Variants in ZNF407 observed in about 807,000 individuals in gnomAD.
The protein encoded by ZNF407 is zinc finger protein 407.
A neutral mutation model predicts 131.2 loss-of-function variants in ZNF407; 17 were observed. The ratio of observed to expected loss-of-function variants is 0.13; its 90% CI spans 0.09 to 0.19. ZNF407 has a LOEUF of 0.19. ZNF407 is among the 10% of genes least tolerant of loss of function. The pLI, the probability that ZNF407 is intolerant of heterozygous loss-of-function variation, is 1.00. For synonymous variants in ZNF407, 1,156 were observed against 1,062.0 expected, an observed-to-expected ratio of 1.09 and a Z score of -1.72; for missense variants, 2,681 against 2,830.6, an observed-to-expected ratio of 0.95 and a Z score of 1.20.
chr18:74,789,196 T>C (rs1453760251), intron 4 of ZNF407, among the ~76,000 whole-genome samples: 3 of 152,150 alleles, frequency 2.0e-5, no homozygotes, highest in Non-Finnish European at 4.4e-5. Context: ...GGAGAGGTAC[T>C]ACTTTAGGAT....
At chr18:74,599,780 A>G (rs1982499294) in intron 1 of ZNF407, among the ~76,000 whole-genome samples, 2 of 152,180 alleles carry the variant, frequency 1.3e-5, no homozygotes, top group African/African-American at 4.8e-5. Context: ...TCTCTTTCTC[A>G]TCTCCTTTAA....
intron 8 of ZNF407, among the ~76,000 whole-genome samples, chr18:75,038,641 CAAAAG>C (rs1010834699): frequency 2.0e-5 from 3 of 152,152 alleles, no homozygotes; most frequent in African/African-American, 7.2e-5. Flanking sequence ...ACATGGACAT[CAAAAG>C]ACATGAAATG....
Position 75,063,531 on chromosome 18 carries a change from G to T in ZNF407, c.5810G>T (p.Gly1937Val). 1.3e-6 allele frequency: 2 copies of T among 1,575,754 alleles called. No individual in the cohort carries two copies. Among genetic ancestry groups the T allele is most frequent in the Non-Finnish European group, 1.7e-6 (2 of 1,162,168 alleles). ...GPILPEQLAD[G>V]ATQVVVVGGS... ...ATCCTCCCCGAGCAGCTGGCTGATG[G>T]AGCCACCCAGGTGGTCGTCGTGGGG... Residue 1937 changes from glycine (G) to valine (V), a missense_variant, in exon 9 of 9, where the codon GGA (glycine) becomes GTA (valine). Physicochemically the swap from Gly to Val is moderately radical, Grantham distance 109. Around this residue, in one of 6 missense-constraint regions of ZNF407, gnomAD observed 620 missense variants for 583.1 expected, o/e 1.06. Coordinates refer to ENST00000299687, the MANE Select transcript of ZNF407 (RefSeq NM_017757.3). The surrounding 1 kb of genome is among the most constrained non-coding windows in gnomAD (Gnocchi z 6.6).
At chr18:74,753,146 T>C (rs894729894) in intron 3 of ZNF407, among the ~76,000 whole-genome samples, 2 of 152,210 alleles carry the variant, frequency 1.3e-5, no homozygotes, top group Non-Finnish European at 2.9e-5. Flanking sequence ...TTTGAAGCAA[T>C]TGTGAATGGG....
chr18:74,783,547 T>C (rs111415563), intron 4 of ZNF407, among the ~76,000 whole-genome samples: 188 of 152,050 alleles, frequency 1.2e-3, no homozygotes, highest in African/African-American at 4.2e-3. Flanking sequence ...AATCAAAAAT[T>C]TACTGTTTTT....
chr18:74,754,005 T>C (rs1460342684), intron 3 of ZNF407, among the ~76,000 whole-genome samples: 1 of 152,230 alleles, frequency 6.6e-6, no homozygotes, highest in African/African-American at 2.4e-5. Flanking sequence ...AGGCTATTAA[T>C]TATTGTCTCA....
At position 74,909,551 on chromosome 18, in the gene ZNF407, G is replaced by T. The variant is rs908742920; in HGVS notation, c.5250-10963G>T. Among the ~76,000 whole-genome samples the T allele has an allele frequency of 5.8e-4, 88 of 151,766 alleles. 1 individual carries two copies. Among genetic ancestry groups the T allele is most frequent in the African/African-American group, 1.9e-3 (80 of 41,408 alleles). On this transcript the variant is annotated intron_variant, in intron 7 of 8. Transcript: ENST00000299687. The stretch of plus-strand genomic sequence containing the variant: ...AATTTTTATTTCAATTTAGATTGTG[G>T]TTTTTTTTGTAATTTTCATTTTCTG...
chr18:74,993,995 C>G (rs748912409), intron 8 of ZNF407, among the ~76,000 whole-genome samples: 1 of 152,274 alleles, frequency 6.6e-6, no homozygotes, highest in Admixed American at 6.5e-5. Flanking sequence ...TGCTGTGGTC[C>G]GGTTTGGACC....
intron 3 of ZNF407, among the ~76,000 whole-genome samples, chr18:74,729,825 T>C (rs1968251285): frequency 6.6e-6 from 1 of 152,082 alleles, no homozygotes; most frequent in Non-Finnish European, 1.5e-5. Flanking sequence ...GTTGCAAGAA[T>C]AATAAAATTG....
chr18:74,850,611 A>T (rs2145145569), intron 4 of ZNF407, among the ~76,000 whole-genome samples: 1 of 152,282 alleles, frequency 6.6e-6, no homozygotes, highest in South Asian at 2.1e-4. Context: ...TTGATTACTT[A>T]TACTCTTTTC....
chr18:75,003,499 A>G (rs939933273), intron 8 of ZNF407, among the ~76,000 whole-genome samples: 2 of 152,248 alleles, frequency 1.3e-5, no homozygotes, highest in African/African-American at 4.8e-5. Context: ...TTTTTAGGGC[A>G]GTCCCTTCTT....
At chr18:74,704,333 T>C (rs374760934) in intron 3 of ZNF407, among the ~76,000 whole-genome samples, 57 of 152,274 alleles carry the variant, frequency 3.7e-4, no homozygotes, top group African/African-American at 1.3e-3. Flanking sequence ...GGGATCTCTT[T>C]TATAGAGCAC....
In ZNF407 at chr18:75,064,351, C is replaced by T. The variant is rs769928265; in HGVS notation, c.6630C>T (p.Ala2210=). Residue 2210 remains alanine (A), a synonymous_variant, in exon 9 of 9, where the codon GCC becomes GCT. Transcript: ENST00000299687. The stretch of plus-strand genomic sequence containing the variant: ...CCGGGGCCACGCTAGGCACAGAGGC[C>T]GGGGCCCCAAGCAGGGCAGAGCAGC... ...LQAGATLGTE[A]GAPSRAEQLA... 1.5e-5 allele frequency: 24 copies of T among 1,587,874 alleles called. 1 individual carries two copies. In the South Asian group the frequency reaches 1.6e-4, roughly 11 times the overall value.
chr18:74,991,499 G>C (rs1193219297), intron 8 of ZNF407, among the ~76,000 whole-genome samples: 1 of 152,302 alleles, frequency 6.6e-6, no homozygotes, highest in African/African-American at 2.4e-5. Flanking sequence ...GGCAAGTCTT[G>C]TGTGGCAATT....
chr18:74,914,538 G>A (rs1971720560), intron 7 of ZNF407, among the ~76,000 whole-genome samples: 1 of 152,154 alleles, frequency 6.6e-6, no homozygotes, highest in Non-Finnish European at 1.5e-5. Flanking sequence ...TTGTGTTTAT[G>A]TGCGCTTACC....
chr18:74,882,874 T>C (rs868773451), intron 6 of ZNF407, among the ~76,000 whole-genome samples: 2 of 152,232 alleles, frequency 1.3e-5, no homozygotes, highest in Non-Finnish European at 2.9e-5. Flanking sequence ...GTTCTTAATG[T>C]TTTCACTTTT....
chr18:74,811,676 A>G (rs1327189378), intron 4 of ZNF407, among the ~76,000 whole-genome samples: 4 of 151,898 alleles, frequency 2.6e-5, no homozygotes, highest in African/African-American at 7.3e-5. Context: ...CATATACACC[A>G]TGGAATACTA....
intron 8 of ZNF407, among the ~76,000 whole-genome samples, chr18:75,034,365 G>A (rs546665485): frequency 3.6e-4 from 52 of 145,184 alleles, no homozygotes; most frequent in East Asian, 1.4e-3. Flanking sequence ...GTGCAGTGGC[G>A]CGACCTCGAC....
At position 74,635,553 on chromosome 18, in the gene ZNF407, T is replaced by C. The variant is rs1984421009; in HGVS notation, c.4534T>C (p.Leu1512=). 8.7e-6 allele frequency: 14 copies of C among 1,613,688 alleles called. No homozygotes were observed. The highest frequency in any genetic ancestry group is 1.2e-5 in the Non-Finnish European group (14 of 1,179,810). ...FLHIKGQHEE[L]LREVNKYIVE... ...ACATATTAAAGGACAGCATGAGGAA[T>C]TGCTGCGGGAGGTGAATAAGTATAT... The change falls in exon 2 of 9, where the codon TTG becomes CTG. Residue 1512 remains leucine, a synonymous_variant. Coordinates refer to ENST00000299687, the MANE Select transcript of ZNF407 (RefSeq NM_017757.3). The surrounding 1 kb of genome is among the most constrained non-coding windows in gnomAD (Gnocchi z 4.7).
Sources: gnomAD v4.1 joint callset for allele counts (sites outside exome capture counted in the v4.1 genomes callset) on GRCh38, gnomAD v4.1.1 for gene constraint, gnomAD v4.1.1 regional missense constraint, Gnocchi (gnomAD v3.1) non-coding constraint, MANE v1.5 for transcripts, NCBI Gene and HGNC (gene_info 2026-07-23, HGNC 2026-07-21) for gene names.